The following ARK2C variants were observed in gnomAD, a reference collection of about 807,000 sequenced individuals.
ARK2C encodes E3 ubiquitin-protein ligase ARK2C.
At chr18:46,412,760 C>T in the ARK2C span, among the ~76,000 whole-genome samples, 1 of 152,138 alleles carries the variant, frequency 6.6e-6, no homozygotes, top group African/African-American at 2.4e-5. Flanking sequence ...CGGGCAGGTA[C>T]GGAGATGCTG....
At chr18:46,409,743 T>C in the ARK2C span, among the ~76,000 whole-genome samples, 6 of 152,214 alleles carry the variant, frequency 3.9e-5, no homozygotes, top group South Asian at 1.2e-3. Context: ...GGATTCAGGA[T>C]AGATGGGCCC....
chr18:46,435,373 G>C, the ARK2C span: 3 of 1,613,900 alleles, frequency 1.9e-6, no homozygotes, highest in Non-Finnish European at 2.5e-6. Flanking sequence ...CTCAGCCCAG[G>C]TATTTGGCTG....
chr18:46,402,880 T>C, the ARK2C span, among the ~76,000 whole-genome samples: 2 of 152,218 alleles, frequency 1.3e-5, no homozygotes, highest in Admixed American at 6.5e-5. Flanking sequence ...TCAGTACCTC[T>C]AGTATTCTGA....
the ARK2C span, among the ~76,000 whole-genome samples, chr18:46,347,936 G>A: frequency 6.6e-6 from 1 of 152,120 alleles, no homozygotes; most frequent in South Asian, 2.1e-4. Context: ...TGCAGGCATG[G>A]GGGACACAAG....
the ARK2C span, among the ~76,000 whole-genome samples, chr18:46,400,687 C>T: frequency 1.3e-5 from 2 of 152,132 alleles, no homozygotes; most frequent in Admixed American, 1.3e-4. Flanking sequence ...GTGCAGTGGG[C>T]TCAGACTCAG....
At chr18:46,447,339 C>T in the ARK2C span, 1 of 507,220 alleles carries the variant, frequency 2.0e-6, no homozygotes, top group Non-Finnish European at 3.5e-6. Context: ...TTTCATAGAG[C>T]CTGGATTGCT....
chr18:46,356,376 C>G, the ARK2C span, among the ~76,000 whole-genome samples: 2 of 151,936 alleles, frequency 1.3e-5, no homozygotes, highest in Admixed American at 1.3e-4. Flanking sequence ...TGCAAAATAG[C>G]GCAGGGTCAA....
chr18:46,388,658 A>T, the ARK2C span, among the ~76,000 whole-genome samples: 1 of 152,142 alleles, frequency 6.6e-6, no homozygotes, highest in African/African-American at 2.4e-5. Flanking sequence ...TAGGTTCCTC[A>T]AGACATGAAG....
chr18:46,397,121 C>T, the ARK2C span, among the ~76,000 whole-genome samples: 2 of 152,154 alleles, frequency 1.3e-5, no homozygotes, highest in South Asian at 2.1e-4. Flanking sequence ...TTGGTGTTGT[C>T]TGGGAGGGCC....
chr18:46,357,214 C>T, the ARK2C span, among the ~76,000 whole-genome samples: 1 of 152,144 alleles, frequency 6.6e-6, no homozygotes, highest in Admixed American at 6.5e-5. Context: ...CCTGTTCCTC[C>T]CACCTCACCC....
chr18:46,456,613 A>G, the ARK2C span: 1 of 1,613,664 alleles, frequency 6.2e-7, no homozygotes, highest in Non-Finnish European at 8.5e-7. Flanking sequence ...GGACATTGAG[A>G]CACAACTGGG....
At chr18:46,336,291 T>C in the ARK2C span, 1 of 985,402 alleles carries the variant, frequency 1.0e-6, no homozygotes, top group Non-Finnish European at 1.2e-6. Context: ...CTAAATACCA[T>C]TGCAGGATGC....
the ARK2C span, among the ~76,000 whole-genome samples, chr18:46,432,728 C>T: frequency 2.0e-5 from 3 of 152,170 alleles, no homozygotes; most frequent in African/African-American, 4.8e-5. Flanking sequence ...GAGGCCGAGG[C>T]GGGTGGATCA....
chr18:46,456,088 A>G, the ARK2C span: 1 of 1,548,576 alleles, frequency 6.5e-7, no homozygotes, highest in Non-Finnish European at 8.9e-7. Flanking sequence ...GAGGTAGGAG[A>G]CCGCCATTTT....
the ARK2C span, among the ~76,000 whole-genome samples, chr18:46,407,368 G>A: frequency 4.3e-4 from 65 of 152,200 alleles, no homozygotes; most frequent in Admixed American, 1.2e-3. Flanking sequence ...CATGGGGATT[G>A]GCCCTTTCTT....
the ARK2C span, among the ~76,000 whole-genome samples, chr18:46,364,439 G>A: frequency 4.0e-5 from 6 of 151,066 alleles, no homozygotes; most frequent in African/African-American, 1.5e-4. Flanking sequence ...CGTAGAACAC[G>A]CATTCTAAAG....
At chr18:46,358,459 C>T in the ARK2C span, among the ~76,000 whole-genome samples, 20 of 152,168 alleles carry the variant, frequency 1.3e-4, no homozygotes, top group African/African-American at 4.3e-4. Context: ...AATGAGGCCA[C>T]GGCAATTTTG....
chr18:46,436,770 C>T, the ARK2C span, among the ~76,000 whole-genome samples: 2 of 152,212 alleles, frequency 1.3e-5, no homozygotes, highest in African/African-American at 4.8e-5. Flanking sequence ...CAACTTCTGC[C>T]CAGCCTTTTC....
At chr18:46,356,916 C>T in the ARK2C span, among the ~76,000 whole-genome samples, 5 of 152,160 alleles carry the variant, frequency 3.3e-5, no homozygotes, top group South Asian at 2.1e-4. Flanking sequence ...GATGGAGCCC[C>T]GGCTGGAAAG....
Sources: allele counts gnomAD v4.1 joint callset (sites outside exome capture counted in the v4.1 genomes callset), GRCh38; gene constraint gnomAD v4.1.1; transcripts MANE v1.5; gene names NCBI Gene and HGNC (gene_info 2026-07-23, HGNC 2026-07-21).